Variants in CDK5RAP2 observed in about 807,000 individuals in gnomAD.
The protein encoded by CDK5RAP2 is CDK5 regulatory subunit-associated protein 2.
CDK5RAP2 carries 147 observed loss-of-function variants against 232.9 expected under a neutral mutation model. The ratio of observed to expected loss-of-function variants is 0.63; its 90% CI spans 0.55 to 0.72. The LOEUF (loss-of-function observed/expected upper bound fraction) is 0.72, where lower values mean the gene tolerates loss of function less well. Among genes scored for constraint, CDK5RAP2 ranks in the 30% least tolerant of loss-of-function variants. The pLI is 0.00. For synonymous variants in CDK5RAP2, 833 were observed against 833.7 expected (o/e 1.00, Z 0.01); for missense variants, 2,195 against 2,231.5 (o/e 0.98, Z 0.33).
rs183446683 is a variant in CDK5RAP2, at chr9:120,460,975, G to A, written c.2107-308C>T. ...TGAGCTGCCGTAAATTAAAAATGCCGTCTATTATGCCACTGCCACTCCTGC... is the reference window on the plus strand; with the variant it reads ...TGAGCTGCCGTAAATTAAAAATGCCATCTATTATGCCACTGCCACTCCTGC... On this transcript the variant is annotated intron_variant, in intron 18 of 37. Coordinates refer to ENST00000349780, the MANE Select transcript of CDK5RAP2 (RefSeq NM_018249.6). Among the ~76,000 whole-genome samples the A allele has an allele frequency of 3.3e-3, 505 of 152,280 alleles. 3 individuals are homozygous for A. Among genetic ancestry groups the A allele is most frequent in the Non-Finnish European group, 4.2e-3 (286 of 68,030 alleles).
chr9:120,565,874 T>C (rs1199545075), intron 3 of CDK5RAP2, among the ~76,000 whole-genome samples: 3 of 152,200 alleles, frequency 2.0e-5, no homozygotes, highest in Non-Finnish European at 4.4e-5. Context: ...AATCAGACTG[T>C]GAGCCTCTGG....
intron 6 of CDK5RAP2, among the ~76,000 whole-genome samples, chr9:120,538,208 T>G (rs560084150): frequency 1.3e-5 from 2 of 152,196 alleles, no homozygotes; most frequent in South Asian, 2.1e-4. Context: ...AGGGCTGATA[T>G]GAACATCATA....
chr9:120,437,153 C>T (rs932248022), intron 25 of CDK5RAP2, 142 bp downstream of exon 25: 4 of 703,496 alleles, frequency 5.7e-6, no homozygotes, highest in Non-Finnish European at 1.0e-5. Context: ...GAAGCAGCAG[C>T]CAGTGTGGTT....
chr9:120,442,874 T>C (rs566379826), intron 23 of CDK5RAP2, among the ~76,000 whole-genome samples: 3 of 152,246 alleles, frequency 2.0e-5, no homozygotes, highest in Admixed American at 6.5e-5. Context: ...GGTGTCCCCA[T>C]GGCCATCCCA....
intron 36 of CDK5RAP2, among the ~76,000 whole-genome samples, chr9:120,392,117 G>A (rs1424596811): frequency 6.6e-6 from 1 of 152,136 alleles, no homozygotes; most frequent in Non-Finnish European, 1.5e-5. Flanking sequence ...CTGGCCTAAT[G>A]GAAAGAAAGA....
intron 17 of CDK5RAP2, among the ~76,000 whole-genome samples, chr9:120,468,865 G>A (rs925197453): frequency 2.0e-5 from 3 of 152,136 alleles, no homozygotes; most frequent in African/African-American, 7.2e-5. Context: ...TGATGGAAGC[G>A]ATTATTAGCT....
chr9:120,399,047 T>C (rs933442971), intron 35 of CDK5RAP2, among the ~76,000 whole-genome samples: 4 of 152,182 alleles, frequency 2.6e-5, no homozygotes, highest in African/African-American at 4.8e-5. Context: ...CATCGGAGCA[T>C]CTCAAAGGTC....
intron 12 of CDK5RAP2, among the ~76,000 whole-genome samples, chr9:120,514,440 T>C (rs1230595230): frequency 6.6e-6 from 1 of 152,130 alleles, no homozygotes; most frequent in African/African-American, 2.4e-5. Context: ...TCTCAGTACA[T>C]CACCCGTCTG....
At chr9:120,529,564 G>C (rs993961757) in intron 8 of CDK5RAP2, among the ~76,000 whole-genome samples, 1 of 152,212 alleles carries the variant, frequency 6.6e-6, no homozygotes, top group Non-Finnish European at 1.5e-5. Context: ...AGCCCGATAC[G>C]AGTTAGTCCT....
intron 13 of CDK5RAP2, 24 bp downstream of exon 13, chr9:120,491,283 A>T (rs778938137): frequency 1.3e-6 from 2 of 1,593,534 alleles, no homozygotes; most frequent in South Asian, 2.2e-5. Flanking sequence ...AAATTAAAAA[A>T]TTTAAATACA....
chr9:120,466,758 G>A (rs912461662), intron 18 of CDK5RAP2, among the ~76,000 whole-genome samples: 34 of 152,322 alleles, frequency 2.2e-4, no homozygotes, highest in African/African-American at 8.2e-4. Context: ...CCAGAGTGCA[G>A]CATAAATACC....
intron 3 of CDK5RAP2, among the ~76,000 whole-genome samples, chr9:120,563,074 G>A (rs987440058): frequency 7.9e-5 from 12 of 152,152 alleles, no homozygotes; most frequent in Admixed American, 1.3e-4. Context: ...GAGACAGGGC[G>A]CTGAGTACTT....
At chr9:120,436,568 T>C (rs1435163973) in intron 25 of CDK5RAP2, among the ~76,000 whole-genome samples, 8 of 152,210 alleles carry the variant, frequency 5.3e-5, no homozygotes, top group Non-Finnish European at 1.2e-4. Context: ...GCACGAGAAT[T>C]TCCTTGGTCT....
At chr9:120,484,728 A>T (rs1386205914) in intron 14 of CDK5RAP2, among the ~76,000 whole-genome samples, 1 of 151,894 alleles carries the variant, frequency 6.6e-6, no homozygotes, top group African/African-American at 2.4e-5. Context: ...TGTCTCAAAA[A>T]ATAAATAAAT....
At chr9:120,549,546 C>CATCAGG (rs1298560347) in intron 4 of CDK5RAP2, among the ~76,000 whole-genome samples, 1 of 152,138 alleles carries the variant, frequency 6.6e-6, no homozygotes, top group African/African-American at 2.4e-5. Flanking sequence ...AGCTATATGA[C>CATCAGG]ATCAGGTGGG....
chr9:120,553,022 A>G (rs1424112566), intron 3 of CDK5RAP2, among the ~76,000 whole-genome samples: 1 of 152,174 alleles, frequency 6.6e-6, no homozygotes, highest in Non-Finnish European at 1.5e-5. Context: ...TGTCACAATA[A>G]AAAGTTGGGG....
intron 15 of CDK5RAP2, among the ~76,000 whole-genome samples, chr9:120,472,531 T>C (rs956207361): frequency 3.3e-5 from 5 of 151,644 alleles, no homozygotes; most frequent in African/African-American, 1.2e-4. Context: ...GGGGGACAGG[T>C]GGGAAGAGAA....
intron 36 of CDK5RAP2, 78 bp from the exon 37 acceptor site, chr9:120,389,865 G>A (rs2031765407): frequency 7.5e-7 from 1 of 1,324,978 alleles, no homozygotes; most frequent in East Asian, 2.3e-5. Flanking sequence ...GTGCAGGGAG[G>A]ATGAACCCCA....
intron 1 of CDK5RAP2, among the ~76,000 whole-genome samples, chr9:120,576,543 A>C (rs1009644247): frequency 9.2e-5 from 14 of 152,170 alleles, no homozygotes; most frequent in African/African-American, 3.1e-4. Flanking sequence ...CTCTACTAAA[A>C]ATATAAAAAT....
Sources: gnomAD v4.1 joint callset for allele counts (sites outside exome capture counted in the v4.1 genomes callset) on GRCh38, gnomAD v4.1.1 for gene constraint, MANE v1.5 for transcripts, NCBI Gene and HGNC (gene_info 2026-07-23, HGNC 2026-07-21) for gene names.